VAV1: variants seen among roughly 807,000 people sequenced by gnomAD.
The protein encoded by VAV1 is proto-oncogene vav.
Under a neutral mutation model 128.1 loss-of-function variants are expected in VAV1, and 33 were observed. The ratio of observed to expected loss-of-function variants is 0.26; its 90% CI spans 0.20 to 0.34. VAV1 has a LOEUF of 0.34. VAV1 is among the 10% of genes least tolerant of loss of function. The probability of loss-of-function intolerance (pLI) is 1.00; values close to 1 mark genes in which losing one functional copy is unlikely to be tolerated. For missense variants in VAV1, 715 were observed against 1,093.7 expected, an observed-to-expected ratio of 0.65 and a Z score of 4.88; for synonymous variants, 394 against 409.8, an observed-to-expected ratio of 0.96 and a Z score of 0.47.
intron 1 of VAV1, among the ~76,000 whole-genome samples, chr19:6,778,855 T>C (rs1448303212): frequency 6.6e-6 from 1 of 151,226 alleles, no homozygotes; most frequent in African/African-American, 2.4e-5. Flanking sequence ...CCTGGTAACA[T>C]AGTGAGACCC....
chr19:6,857,236 T>G lies in VAV1; in HGVS notation c.*129T>G. 4 of 1,297,058 alleles carry G rather than the reference T, an allele frequency of 3.1e-6. No homozygotes were observed. Among genetic ancestry groups the G allele is most frequent in the Non-Finnish European group, 3.2e-6 (3 of 945,634 alleles). 80.3% of individuals were successfully genotyped at this position (1,297,058 alleles called of 1,614,324 possible). A position where few individuals can be genotyped will look rare whatever the true frequency, so the allele number is the denominator to read the frequency against. ...TGGGATGGACTGGAGGAGGCCAGCG[T>G]CCAGCTGGCGGTGCTCCCGGGATGT... On this transcript the variant is annotated 3_prime_UTR_variant, in exon 27 of 27. Coordinates refer to ENST00000602142, the MANE Select transcript of VAV1 (RefSeq NM_005428.4).
chr19:6,811,775 A>G (rs1599645059), intron 1 of VAV1, among the ~76,000 whole-genome samples: 1 of 152,358 alleles, frequency 6.6e-6, no homozygotes, highest in African/African-American at 2.4e-5. Flanking sequence ...AGGGTACTTC[A>G]TTAGGATAAC....
chr19:6,809,527 G>C (rs1971470553), intron 1 of VAV1, among the ~76,000 whole-genome samples: 1 of 152,192 alleles, frequency 6.6e-6, no homozygotes, highest in South Asian at 2.1e-4. Flanking sequence ...CCACCTGGCT[G>C]GAGCAGAGGT....
In VAV1 at chr19:6,829,837, C is replaced by A; in HGVS notation, c.1317C>A (p.Asp439Glu). 1 of 1,614,214 alleles carries A rather than the reference C, an allele frequency of 6.2e-7. No individual in the cohort carries two copies. The highest frequency in any genetic ancestry group is 2.2e-5 in the East Asian group (1 of 44,886). The stretch of plus-strand genomic sequence containing the variant: ...TACTCATCTGTAAGCGCAGGGGAGA[C>A]TCCTATGACCTCAAGGACTTTGTAA... ...KALLICKRRG[D>E]SYDLKDFVNL... Residue 439 changes from aspartate (D) to glutamate (E), a missense_variant, in exon 14 of 27, where the codon GAC becomes GAA. This residue lies in a region of VAV1 where 407 missense variants were observed against 580.6 expected (regional missense o/e 0.70). Transcript: ENST00000602142.
At position 6,850,666 on chromosome 19, in the gene VAV1, C is replaced by G; in HGVS notation, c.2130-4C>G. ...CTCAGGGCCCGGTGACCATCTGGTT[C>G]CAGATATAACGTCGAGGTCAAGCAC... On this transcript the variant is annotated splice_polypyrimidine_tract_variant and splice_region_variant and intron_variant, in intron 23 of 26. Transcript: ENST00000602142. 2 of 1,613,938 alleles carry G rather than the reference C, an allele frequency of 1.2e-6. No individual in the cohort carries two copies. The highest frequency in any genetic ancestry group is 1.7e-6 in the Non-Finnish European group (2 of 1,179,958).
At chr19:6,817,572 A>C (rs555357673) in intron 1 of VAV1, among the ~76,000 whole-genome samples, 2 of 152,288 alleles carry the variant, frequency 1.3e-5, no homozygotes, top group Admixed American at 1.3e-4. Context: ...CCCCTCTTCA[A>C]ACTGACATTT....
At chr19:6,786,111 C>G (rs1283958569) in intron 1 of VAV1, among the ~76,000 whole-genome samples, 1 of 152,106 alleles carries the variant, frequency 6.6e-6, no homozygotes, top group Non-Finnish European at 1.5e-5. Flanking sequence ...TTGCTTATTA[C>G]CTGTTTTCCA....
chr19:6,835,123 TAGTC>T (rs373386756), intron 19 of VAV1, among the ~76,000 whole-genome samples: 36 of 151,900 alleles, frequency 2.4e-4, no homozygotes, highest in East Asian at 1.9e-3. Flanking sequence ...TAATTAGCAA[TAGTC>T]AGTCAGCTTT....
chr19:6,829,833 G>T lies in VAV1; in HGVS notation c.1313G>T (p.Gly438Val). The T allele has an allele frequency of 1.2e-6, 2 of 1,614,190 alleles. No homozygotes were observed. Among genetic ancestry groups the T allele is most frequent in the Non-Finnish European group, 1.7e-6 (2 of 1,180,028 alleles). The change falls in exon 14 of 27, where the codon GGA becomes GTA. Residue 438 changes from glycine to valine, a missense_variant. Gly to Val is a moderately radical substitution (Grantham distance 109, BLOSUM62 -3). Coordinates refer to ENST00000602142, the MANE Select transcript of VAV1 (RefSeq NM_005428.4). ...GCTCTACTCATCTGTAAGCGCAGGG[G>T]AGACTCCTATGACCTCAAGGACTTT... ...DKALLICKRRGDSYDLKDFVN... is the reference protein window; with the variant it reads ...DKALLICKRRVDSYDLKDFVN...
rs750632166 is a variant in VAV1 at position 6,836,492 on chromosome 19, T to C, written c.1838T>C (p.Ile613Thr). 7 of 1,614,042 alleles carry C rather than the reference T, an allele frequency of 4.3e-6. No homozygotes were observed. Among genetic ancestry groups the C allele is most frequent in the South Asian group, 1.1e-5 (1 of 91,078 alleles). Reference protein sequence around the residue: ...YYGLPPPPGAIGPFLRLNPGD... With the variant: ...YYGLPPPPGATGPFLRLNPGD... The stretch of plus-strand genomic sequence containing the variant: ...GGGCTTCCTCCACCCCCTGGAGCCA[T>C]TGGACCCTTTCTACGGCTCAACCCT... Residue 613 changes from isoleucine to threonine, a missense_variant, in exon 20 of 27, where the codon ATT becomes ACT. Ile to Thr is a moderately conservative substitution (Grantham distance 89). This residue lies in a region of VAV1 where 407 missense variants were observed against 580.6 expected (regional missense o/e 0.70). Coordinates refer to ENST00000602142, the MANE Select transcript of VAV1 (RefSeq NM_005428.4).
At chr19:6,827,464 G>C (rs1026811237) in intron 9 of VAV1, among the ~76,000 whole-genome samples, 1 of 151,916 alleles carries the variant, frequency 6.6e-6, no homozygotes, top group African/African-American at 2.4e-5. Flanking sequence ...TTGCAGAGAT[G>C]GGGTTTCACC....
chr19:6,773,133 C>G (rs1457176510), intron 1 of VAV1, 122 bp downstream of exon 1: 5 of 1,330,046 alleles, frequency 3.8e-6, no homozygotes, highest in East Asian at 4.7e-5. Context: ...AATATGCTTA[C>G]AGGTCCAGGG....
At chr19:6,804,482 T>C (rs1971343037) in intron 1 of VAV1, among the ~76,000 whole-genome samples, 1 of 151,842 alleles carries the variant, frequency 6.6e-6, no homozygotes, top group Non-Finnish European at 1.5e-5. Flanking sequence ...AGTAGTGCAA[T>C]CTCAGCTCAT....
At chr19:6,779,035 C>A (rs1477413929) in intron 1 of VAV1, among the ~76,000 whole-genome samples, 1 of 135,766 alleles carries the variant, frequency 7.4e-6, no homozygotes, top group African/African-American at 3.1e-5. Context: ...CACCGGCATA[C>A]CTGGGTGATT....
chr19:6,817,092 A>G (rs1971671763), intron 1 of VAV1, among the ~76,000 whole-genome samples: 1 of 151,558 alleles, frequency 6.6e-6, no homozygotes, highest in East Asian at 2.0e-4. Context: ...CTTGTTGCCC[A>G]GGCTGGAGTG....
At position 6,826,208 on chromosome 19, in the gene VAV1, G is replaced by C. The variant is rs1327826891; in HGVS notation, c.828-404G>C. On this transcript the variant is annotated intron_variant, in intron 8 of 26. Coordinates refer to ENST00000602142, the MANE Select transcript of VAV1 (RefSeq NM_005428.4). The surrounding 1 kb of genome is among the most constrained non-coding windows in gnomAD (Gnocchi z 4.1). ...CAAAAATTAGCCAGGCATGGTGGCA[G>C]GTGTCTGTAATCCCAGCTACTCGGG... Among the ~76,000 whole-genome samples, 2 of 152,034 alleles carry C rather than the reference G, an allele frequency of 1.3e-5. No homozygotes were observed. Among genetic ancestry groups the C allele is most frequent in the African/African-American group, 2.4e-5 (1 of 41,408 alleles).
chr19:6,854,205 T>A, intron 26 of VAV1, 107 bp downstream of exon 26: 1 of 1,415,888 alleles, frequency 7.1e-7, no homozygotes, highest in African/African-American at 1.4e-5. Context: ...CCCATGGAGA[T>A]CTCTCACGGT....
rs1306621268 is a variant in VAV1 at position 6,847,980 on chromosome 19, C to G, written c.2013-18C>G. The G allele has an allele frequency of 9.4e-6, 14 of 1,488,302 alleles. No homozygotes were observed. Among genetic ancestry groups the G allele is most frequent in the Non-Finnish European group, 1.2e-5 (14 of 1,123,408 alleles). The allele number at this position is 1,488,302 out of a possible 1,614,324, so 92.2% of individuals were successfully genotyped here. On this transcript the variant is annotated intron_variant, in intron 22 of 26. Coordinates refer to ENST00000602142, the MANE Select transcript of VAV1 (RefSeq NM_005428.4). Reference sequence around the variant, plus strand: ...GCACGGGGACCGTGCCACCTCTGTCCTTGGTGTCTCTTTGCAGGTACGCAG... The same window carrying G: ...GCACGGGGACCGTGCCACCTCTGTCGTTGGTGTCTCTTTGCAGGTACGCAG...
intron 1 of VAV1, among the ~76,000 whole-genome samples, chr19:6,807,905 G>T (rs1014533384): frequency 6.8e-6 from 1 of 146,064 alleles, no homozygotes; most frequent in Non-Finnish European, 1.5e-5. Flanking sequence ...CAGGAGAATC[G>T]CTTGAACCTG....
Sources: allele counts gnomAD v4.1 joint callset (sites outside exome capture counted in the v4.1 genomes callset), GRCh38; gene constraint gnomAD v4.1.1; regional missense constraint gnomAD v4.1.1; non-coding constraint Gnocchi (gnomAD v3.1); transcripts MANE v1.5; gene names NCBI Gene and HGNC (gene_info 2026-07-23, HGNC 2026-07-21).